The following KIFAP3 variants were observed in gnomAD, a reference collection of about 807,000 sequenced individuals.
The protein encoded by KIFAP3 is kinesin-associated protein 3.
KIFAP3 carries 68 observed loss-of-function variants against 106.5 expected under a neutral mutation model. That is an observed-to-expected ratio of 0.64 (90% CI 0.53 to 0.78). KIFAP3 has a LOEUF of 0.78. Ranked by LOEUF, KIFAP3 falls within the 30% of genes least tolerant of loss-of-function variation. The pLI, the probability that KIFAP3 is intolerant of heterozygous loss-of-function variation, is 0.00. For missense variants in KIFAP3, 780 were observed against 941.8 expected, an observed-to-expected ratio of 0.83 and a Z score of 2.25; for synonymous variants, 320 against 311.5, an observed-to-expected ratio of 1.03 and a Z score of -0.29.
At chr1:169,995,768 G>A (rs920073435) in intron 10 of KIFAP3, among the ~76,000 whole-genome samples, 1 of 151,792 alleles carries the variant, frequency 6.6e-6, no homozygotes. Context: ...GTGAGAGGAA[G>A]GAAAGACTCA....
At chr1:170,018,662 A>G (rs1013129151) in intron 9 of KIFAP3, among the ~76,000 whole-genome samples, 2 of 149,478 alleles carry the variant, frequency 1.3e-5, no homozygotes, top group African/African-American at 2.4e-5. Flanking sequence ...TTGGAGATCT[A>G]AAATATTTAT....
chr1:169,941,928 A>G (rs1664141557), intron 19 of KIFAP3, among the ~76,000 whole-genome samples: 1 of 152,232 alleles, frequency 6.6e-6, no homozygotes, highest in Admixed American at 6.5e-5. Flanking sequence ...TATAAAATTC[A>G]GCTTGCTTAA....
intron 19 of KIFAP3, among the ~76,000 whole-genome samples, chr1:169,947,705 G>C (rs145052466): frequency 3.8e-4 from 58 of 151,678 alleles, no homozygotes; most frequent in Non-Finnish European, 1.2e-4. Context: ...CATACTGTCT[G>C]CTATCTGTTA....
At chr1:170,064,912 T>C (rs899824054) in intron 1 of KIFAP3, among the ~76,000 whole-genome samples, 3 of 152,250 alleles carry the variant, frequency 2.0e-5, no homozygotes, top group Non-Finnish European at 2.9e-5. Flanking sequence ...GCATCCTTGC[T>C]CATTCAGCCT....
intron 11 of KIFAP3, among the ~76,000 whole-genome samples, chr1:169,991,065 T>C (rs1667074538): frequency 6.6e-6 from 1 of 152,084 alleles, no homozygotes; most frequent in South Asian, 2.1e-4. Context: ...AAGGCCCATT[T>C]TGGTGGCTCA....
At chr1:169,921,845 G>C (rs991073037) in intron 19 of KIFAP3, 64 bp from the exon 20 acceptor site, 4 of 1,182,930 alleles carry the variant, frequency 3.4e-6, no homozygotes, top group Non-Finnish European at 5.0e-6. Flanking sequence ...TGCAGATTAA[G>C]AGGCCTACAT....
intron 10 of KIFAP3, among the ~76,000 whole-genome samples, chr1:169,997,381 T>C (rs908339116): frequency 1.3e-5 from 2 of 152,222 alleles, no homozygotes; most frequent in Admixed American, 6.5e-5. Context: ...GTTTTACTAA[T>C]ACAACAGTAC....
intron 19 of KIFAP3, among the ~76,000 whole-genome samples, chr1:169,934,948 G>A (rs1663705526): frequency 6.6e-6 from 1 of 151,988 alleles, no homozygotes; most frequent in African/African-American, 2.4e-5. Flanking sequence ...TCCCCATAGT[G>A]TATAAAAAGA....
intron 1 of KIFAP3, among the ~76,000 whole-genome samples, chr1:170,062,890 T>A (rs1420844704): frequency 6.6e-6 from 1 of 152,158 alleles, no homozygotes; most frequent in South Asian, 2.1e-4. Flanking sequence ...CTTTTTTTTT[T>A]AATCACTGGT....
chr1:170,078,751 A>G (rs778985509), upstream of KIFAP3, among the ~76,000 whole-genome samples: 11 of 152,222 alleles, frequency 7.2e-5, no homozygotes, highest in Non-Finnish European at 1.0e-4. Context: ...GATAATGTCA[A>G]TTTAGATACT....
intron 7 of KIFAP3, among the ~76,000 whole-genome samples, 164 bp downstream of exon 7, chr1:170,034,208 A>C (rs1253069672): frequency 6.6e-6 from 1 of 151,900 alleles, no homozygotes; most frequent in African/African-American, 2.4e-5. Context: ...ATTCATTTTG[A>C]TAGTTTCAAT....
At chr1:169,922,638 T>C (rs490469) in intron 19 of KIFAP3, among the ~76,000 whole-genome samples, 142,454 of 152,330 alleles carry the variant, frequency 0.94, 66,700 homozygotes, top group East Asian at 0.99. Context: ...AGGAAAATGA[T>C]AAAGTATTTA....
At chr1:170,077,288 T>G (rs769611398), upstream of KIFAP3, among the ~76,000 whole-genome samples, 27 of 152,230 alleles carry the variant, frequency 1.8e-4, no homozygotes, top group Non-Finnish European at 3.7e-4. Flanking sequence ...ACTCTAAATC[T>G]CAGCAATTCT....
chr1:170,024,519 TG>T lies in KIFAP3; in HGVS notation c.918del (p.His306GlnfsTer4). 6.2e-7 allele frequency: 1 copy of T among 1,607,666 alleles called. No individual in the cohort carries two copies. Among genetic ancestry groups the T allele is most frequent in the Non-Finnish European group, 8.5e-7 (1 of 1,176,342 alleles). ...ELKMRNKNIV[H>X]MLVKALDRDN... Reference sequence around the variant, plus strand: ...TCCCGATCAAGGGCTTTCACCAACATGTGAACTATGTTCTTGTTCCTCATTT... The same window carrying T: ...TCCCGATCAAGGGCTTTCACCAACATTGAACTATGTTCTTGTTCCTCATTT... On this transcript the variant is annotated frameshift_variant, in exon 9 of 20. Transcript: ENST00000361580. LOFTEE classifies it high-confidence loss of function.
At chr1:169,964,378 C>T (rs1464014096) in intron 17 of KIFAP3, among the ~76,000 whole-genome samples, 3 of 152,050 alleles carry the variant, frequency 2.0e-5, no homozygotes, top group Non-Finnish European at 4.4e-5. Context: ...AAGCCTCGGG[C>T]CAGCAATGTG....
chr1:170,015,051 T>C (rs988105892), intron 10 of KIFAP3, among the ~76,000 whole-genome samples: 3 of 152,178 alleles, frequency 2.0e-5, no homozygotes, highest in Non-Finnish European at 2.9e-5. Flanking sequence ...CCAAAGGAGA[T>C]AAAACATTAA....
intron 1 of KIFAP3, among the ~76,000 whole-genome samples, chr1:170,059,801 CA>C: frequency 6.6e-6 from 1 of 152,294 alleles, no homozygotes; most frequent in East Asian, 1.9e-4. Context: ...AGCAGCACAT[CA>C]AAAAGCTTAT....
At chr1:170,003,275 C>A (rs925243579) in intron 10 of KIFAP3, among the ~76,000 whole-genome samples, 1 of 152,198 alleles carries the variant, frequency 6.6e-6, no homozygotes, top group Non-Finnish European at 1.5e-5. Flanking sequence ...AAGTATTGCT[C>A]TGTGGACCAT....
chr1:170,058,053 AC>A (rs1312742021), intron 1 of KIFAP3, among the ~76,000 whole-genome samples: 1 of 152,126 alleles, frequency 6.6e-6, no homozygotes, highest in African/African-American at 2.4e-5. Flanking sequence ...ATAAACTGTC[AC>A]CTTTTGGGAC....
Sources: allele counts gnomAD v4.1 joint callset (sites outside exome capture counted in the v4.1 genomes callset), GRCh38; gene constraint gnomAD v4.1.1; transcripts MANE v1.5; gene names NCBI Gene and HGNC (gene_info 2026-07-23, HGNC 2026-07-21).